The following IGBP1C variants were observed in gnomAD, a reference collection of about 807,000 sequenced individuals.
IGBP1C encodes the protein immunoglobulin-binding protein 1 family member C.
the IGBP1C span, among the ~76,000 whole-genome samples, chr17:58,679,897 T>C: frequency 6.6e-6 from 1 of 152,172 alleles, no homozygotes; most frequent in African/African-American, 2.4e-5. Flanking sequence ...CAGCAGTCAC[T>C]GCGCTTATCT....
the IGBP1C span, among the ~76,000 whole-genome samples, chr17:58,668,013 C>T: frequency 6.6e-6 from 1 of 152,170 alleles, no homozygotes; most frequent in East Asian, 1.9e-4. Context: ...AGTAAAGGAA[C>T]CCTGCTAAGT....
At chr17:58,661,770 G>T in the IGBP1C span, 2 of 529,828 alleles carry the variant, frequency 3.8e-6, no homozygotes, top group Non-Finnish European at 6.6e-6. Flanking sequence ...GGTTGTGCCG[G>T]GTCTGAATCG....
At chr17:58,661,679 C>G in the IGBP1C span, 5 of 608,812 alleles carry the variant, frequency 8.2e-6, no homozygotes, top group Non-Finnish European at 1.5e-5. Flanking sequence ...TTCTAACAAC[C>G]AGTCTGAATC....
chr17:58,661,790 T>C, the IGBP1C span: 5 of 505,042 alleles, frequency 9.9e-6, no homozygotes, highest in Non-Finnish European at 1.0e-5. Context: ...GCTGCTCCAC[T>C]CCGGGTCTTC....
the IGBP1C span, among the ~76,000 whole-genome samples, chr17:58,668,421 G>C: frequency 2.0e-5 from 3 of 152,182 alleles, no homozygotes; most frequent in Non-Finnish European, 2.9e-5. Context: ...ATAAACCCCT[G>C]CAAATGTGGA....
the IGBP1C span, among the ~76,000 whole-genome samples, chr17:58,672,810 CA>C: frequency 1.3e-5 from 2 of 152,078 alleles, no homozygotes; most frequent in South Asian, 4.2e-4. Context: ...CGGCTTACTG[CA>C]ACCTTTGCCT....
At chr17:58,683,865 G>A in the IGBP1C span, among the ~76,000 whole-genome samples, 1 of 151,628 alleles carries the variant, frequency 6.6e-6, no homozygotes, top group Non-Finnish European at 1.5e-5. Context: ...AAGATATCAA[G>A]ACTATCCTGG....
At chr17:58,683,655 C>T in the IGBP1C span, among the ~76,000 whole-genome samples, 1 of 151,226 alleles carries the variant, frequency 6.6e-6, no homozygotes, top group Non-Finnish European at 1.5e-5. Flanking sequence ...CCCAGCTACT[C>T]GGGAGGCTGA....
chr17:58,683,954 A>G, the IGBP1C span, among the ~76,000 whole-genome samples: 1 of 151,202 alleles, frequency 6.6e-6, no homozygotes, highest in Non-Finnish European at 1.5e-5. Context: ...CATCCCAGCT[A>G]CTCGGGAGGC....
the IGBP1C span, among the ~76,000 whole-genome samples, chr17:58,691,014 C>G: frequency 1.3e-5 from 2 of 152,024 alleles, no homozygotes; most frequent in Non-Finnish European, 2.9e-5. Flanking sequence ...CCACCATGCC[C>G]GGCTAATTTT....
At chr17:58,671,138 G>T in the IGBP1C span, among the ~76,000 whole-genome samples, 1 of 152,046 alleles carries the variant, frequency 6.6e-6, no homozygotes. Context: ...TAATTTTTCA[G>T]ATCTGTCTTC....
chr17:58,674,478 T>C, the IGBP1C span, among the ~76,000 whole-genome samples: 1 of 151,976 alleles, frequency 6.6e-6, no homozygotes, highest in Non-Finnish European at 1.5e-5. Flanking sequence ...ACAACCAGCC[T>C]GGCCAACGTG....
the IGBP1C span, among the ~76,000 whole-genome samples, chr17:58,679,900 G>A: frequency 1.3e-5 from 2 of 152,018 alleles, no homozygotes; most frequent in South Asian, 2.1e-4. Flanking sequence ...CAGTCACTGC[G>A]CTTATCTACA....
At chr17:58,666,382 A>G in the IGBP1C span, among the ~76,000 whole-genome samples, 4 of 149,444 alleles carry the variant, frequency 2.7e-5, no homozygotes, top group South Asian at 8.6e-4. Flanking sequence ...AAAACAACCA[A>G]AGAAGGCTGA....
chr17:58,686,860 CCTTTT>C, the IGBP1C span, among the ~76,000 whole-genome samples: 1 of 136,778 alleles, frequency 7.3e-6, no homozygotes, highest in Non-Finnish European at 1.5e-5. Flanking sequence ...TGAAAGGTCA[CCTTTT>C]TTTTTTTTTT....
the IGBP1C span, among the ~76,000 whole-genome samples, chr17:58,671,957 A>G: frequency 6.6e-6 from 1 of 152,058 alleles, no homozygotes; most frequent in East Asian, 1.9e-4. Flanking sequence ...GAGGCTCCCA[A>G]ACTTTTTGGC....
At chr17:58,661,158 G>C in the IGBP1C span, 4 of 820,874 alleles carry the variant, frequency 4.9e-6, no homozygotes, top group East Asian at 2.4e-5. Context: ...ACGAGGCTAG[G>C]ATAAGCCGTG....
chr17:58,660,494 G>C, the IGBP1C span: 25 of 699,416 alleles, frequency 3.6e-5, no homozygotes, highest in Non-Finnish European at 6.0e-5. Context: ...ACAGCTGTAG[G>C]GGAGCTCAGG....
the IGBP1C span, among the ~76,000 whole-genome samples, chr17:58,684,361 C>A: frequency 6.6e-6 from 1 of 151,570 alleles, no homozygotes; most frequent in Non-Finnish European, 1.5e-5. Flanking sequence ...ATCTGGGAGG[C>A]TGATACAGGA....
Sources: allele counts gnomAD v4.1 joint callset (sites outside exome capture counted in the v4.1 genomes callset), GRCh38; gene constraint gnomAD v4.1.1; transcripts MANE v1.5; gene names NCBI Gene and HGNC (gene_info 2026-07-23, HGNC 2026-07-21).